ASB3: variants seen among roughly 807,000 people sequenced by gnomAD.
ASB3 encodes ankyrin repeat and SOCS box containing 3.
ASB3 carries 41 observed loss-of-function variants against 54.5 expected under a neutral mutation model. The ratio of observed to expected loss-of-function variants is 0.75; its 90% CI spans 0.59 to 0.98. The LOEUF is 0.98. ASB3 is among the 50% of genes least tolerant of loss of function. The pLI is 0.00. For synonymous variants in ASB3, 266 were observed against 221.2 expected (o/e 1.20, Z -1.80); for missense variants, 733 against 620.0 (o/e 1.18, Z -1.94).
intron 8 of ASB3, among the ~76,000 whole-genome samples, chr2:53,696,040 C>G (rs961181413): frequency 4.6e-5 from 7 of 152,070 alleles, no homozygotes; most frequent in South Asian, 4.1e-4. Context: ...TAAATTTGAT[C>G]AAAGAAAGCA....
chr2:53,671,353 C>CGTGTGTGT lies in ASB3; in HGVS notation c.1370-671_1370-664dup, dbSNP rs142473697. On this transcript the variant is annotated intron_variant, in intron 9 of 9. Transcript: ENST00000263634. ...AACTCAGATCTATCTGAACCCAAAG[C>CGTGTGTGT]GTGTGTGTGTGTGTGTGTGTGTGTG... is the stretch of plus-strand genomic sequence containing the variant. Among the ~76,000 whole-genome samples, 922 of 142,584 alleles carry CGTGTGTGT rather than the reference C, an allele frequency of 6.5e-3. 5 individuals carry two copies. The highest frequency in any genetic ancestry group is 0.012 in the African/African-American group (471 of 38,538). The allele number at this position is 142,584 out of a possible 152,430, so 93.5% of individuals were successfully genotyped here.
chr2:53,701,401 C>T (rs1025970692), intron 7 of ASB3, among the ~76,000 whole-genome samples: 3 of 152,126 alleles, frequency 2.0e-5, no homozygotes, highest in African/African-American at 7.2e-5. Context: ...AGTCACAGAG[C>T]TAGTAATTGG....
chr2:53,705,450 A>G (rs939294998), intron 7 of ASB3, among the ~76,000 whole-genome samples: 2 of 152,338 alleles, frequency 1.3e-5, no homozygotes, highest in South Asian at 2.1e-4. Flanking sequence ...ACTACTGTAC[A>G]CCATACTGCT....
intron 9 of ASB3, among the ~76,000 whole-genome samples, chr2:53,688,567 T>A (rs1668749440): frequency 6.6e-6 from 1 of 152,212 alleles, no homozygotes; most frequent in South Asian, 2.1e-4. Flanking sequence ...GTGAAAATGA[T>A]ATGAGGTAGC....
At chr2:53,676,368 C>G (rs143806310) in intron 9 of ASB3, among the ~76,000 whole-genome samples, 5,118 of 152,278 alleles carry the variant, frequency 0.034, 144 homozygotes, top group Non-Finnish European at 0.051. Context: ...AGCCACCACT[C>G]CTTCAATGGT....
At chr2:53,706,021 T>A (rs548976189) in intron 7 of ASB3, among the ~76,000 whole-genome samples, 6 of 152,304 alleles carry the variant, frequency 3.9e-5, no homozygotes, top group African/African-American at 9.6e-5. Flanking sequence ...AGGGTTTTTT[T>A]AAGACAATAA....
At chr2:53,673,900 C>G (rs1381300735) in intron 9 of ASB3, among the ~76,000 whole-genome samples, 1 of 152,188 alleles carries the variant, frequency 6.6e-6, no homozygotes, top group African/African-American at 2.4e-5. Flanking sequence ...CTATGTTCAG[C>G]TGAACTGAGG....
chr2:53,707,062 G>A (rs1384661569), intron 7 of ASB3, among the ~76,000 whole-genome samples: 2 of 152,222 alleles, frequency 1.3e-5, no homozygotes, highest in East Asian at 3.8e-4. Context: ...AAAATCAGCT[G>A]TAGGAGAGTT....
At chr2:53,705,481 C>A (rs1300668460) in intron 7 of ASB3, among the ~76,000 whole-genome samples, 1 of 152,114 alleles carries the variant, frequency 6.6e-6, no homozygotes, top group Middle Eastern at 3.2e-3. Context: ...TTTTCTTTTT[C>A]TTCTTTGATC....
At chr2:53,762,460 T>C (rs559748899) in intron 2 of ASB3, among the ~76,000 whole-genome samples, 1 of 152,356 alleles carries the variant, frequency 6.6e-6, no homozygotes, top group Non-Finnish European at 1.5e-5. Flanking sequence ...AATGATTTAT[T>C]TGTCTAAGGA....
Position 53,700,406 on chromosome 2 carries a change from C to T in ASB3, c.1103G>A (p.Gly368Asp). Residue 368 changes from glycine (G) to aspartate (D), a missense_variant, in exon 8 of 10, where the codon GGT becomes GAT. By Grantham distance (94) the Gly-to-Asp change is moderately conservative. Transcript: ENST00000263634. Reference sequence around the variant, plus strand: ...ATGGTTCCATGGTCCCAATGAGCAACCTTTCCTCAAAAAGTAGCGAAATAT... The same window carrying T: ...ATGGTTCCATGGTCCCAATGAGCAATCTTTCCTCAAAAAGTAGCGAAATAT... ...FSIFRYFLRKGCSLGPWNHIY... is the reference protein window; with the variant it reads ...FSIFRYFLRKDCSLGPWNHIY... The T allele has an allele frequency of 1.2e-6, 2 of 1,614,092 alleles. No homozygotes were observed. The highest frequency in any genetic ancestry group is 2.2e-5 in the East Asian group (1 of 44,872).
Position 53,765,569 on chromosome 2 carries a change from C to G in ASB3, c.4G>C (p.Asp2His), listed in dbSNP as rs1673394366. 1.9e-5 allele frequency: 30 copies of G among 1,614,070 alleles called. No homozygotes were observed. The highest frequency in any genetic ancestry group is 2.5e-5 in the Non-Finnish European group (29 of 1,180,036). ...GTGTCCGCGTAAGCCTCTGTAAAAT[C>G]CATTTGTTTGACCAGTCTACAAAAC... M[D>H]FTEAYADTCS... The change falls in exon 2 of 10, where the codon GAT becomes CAT. Residue 2 changes from aspartate to histidine, a missense_variant. Transcript: ENST00000263634.
chr2:53,721,398 C>CAAAAAAAAAAAAAAAAAAA (rs1195017138), intron 5 of ASB3, among the ~76,000 whole-genome samples: 1 of 87,386 alleles, frequency 1.1e-5, no homozygotes, highest in African/African-American at 4.3e-5. Flanking sequence ...TACTAAACTA[C>CAAAAAAAAAAAAAAAAAAA]AAAAAAAAAA....
intron 1 of ASB3, among the ~76,000 whole-genome samples, chr2:53,782,318 T>C (rs1165330942): frequency 2.0e-5 from 3 of 152,202 alleles, no homozygotes; most frequent in Non-Finnish European, 4.4e-5. Flanking sequence ...GGTAGGATTA[T>C]GCTGAGGATT....
At chr2:53,746,245 T>C (rs1672215435) in intron 3 of ASB3, among the ~76,000 whole-genome samples, 1 of 152,050 alleles carries the variant, frequency 6.6e-6, no homozygotes, top group African/African-American at 2.4e-5. Flanking sequence ...TAGTGAGCTA[T>C]GATTTTGCCA....
intron 9 of ASB3, among the ~76,000 whole-genome samples, chr2:53,679,301 T>A (rs547253838): frequency 6.6e-6 from 1 of 152,186 alleles, no homozygotes; most frequent in Non-Finnish European, 1.5e-5. Flanking sequence ...TGGTTCTCAA[T>A]TGGTTTCCCA....
At chr2:53,676,092 C>T (rs986351373) in intron 9 of ASB3, among the ~76,000 whole-genome samples, 79 of 152,124 alleles carry the variant, frequency 5.2e-4, no homozygotes, top group Non-Finnish European at 1.5e-4. Flanking sequence ...ACATAATTTA[C>T]CTTTGAGCTT....
At chr2:53,768,204 G>C (rs1673630079) in intron 1 of ASB3, 1 of 684,460 alleles carries the variant, frequency 1.5e-6, no homozygotes, top group South Asian at 2.3e-5. Flanking sequence ...CCCAGCCCGG[G>C]CACTCCTTCC....
chr2:53,740,377 G>T (rs1003699478), intron 3 of ASB3, among the ~76,000 whole-genome samples: 18 of 152,046 alleles, frequency 1.2e-4, no homozygotes, highest in African/African-American at 4.3e-4. Flanking sequence ...ACATCTGGTG[G>T]CACTAGAAAA....
Sources: allele counts gnomAD v4.1 joint callset (sites outside exome capture counted in the v4.1 genomes callset), GRCh38; gene constraint gnomAD v4.1.1; transcripts MANE v1.5; gene names NCBI Gene and HGNC (gene_info 2026-07-23, HGNC 2026-07-21).